Variants in EPHA4 observed in about 807,000 individuals in gnomAD.
EPHA4 encodes the protein EPH receptor A4.
A neutral mutation model predicts 108.3 loss-of-function variants in EPHA4; 19 were observed. The ratio of observed to expected loss-of-function variants is 0.18; its 90% confidence interval spans 0.12 to 0.26. The LOEUF (loss-of-function observed/expected upper bound fraction) is 0.26, where lower values mean the gene tolerates loss of function less well. EPHA4 is among the 10% of genes least tolerant of loss of function. EPHA4 has a pLI of 1.00. For missense variants in EPHA4, 917 were observed against 1,254.0 expected (o/e 0.73, Z 4.06); for synonymous variants, 449 against 455.5 (o/e 0.99, Z 0.18).
chr2:221,455,019 A>T (rs1359741688), intron 8 of EPHA4, among the ~76,000 whole-genome samples: 1 of 152,172 alleles, frequency 6.6e-6, no homozygotes, highest in Non-Finnish European at 1.5e-5. Context: ...ATTACTGTTA[A>T]CCAAAATCAT....
intron 3 of EPHA4, among the ~76,000 whole-genome samples, chr2:221,506,066 G>T (rs1016028877): frequency 6.6e-6 from 1 of 151,976 alleles, no homozygotes; most frequent in Non-Finnish European, 1.5e-5. Context: ...ATGCACGCTG[G>T]TCTCCATACA....
At chr2:221,485,887 A>C (rs891947664) in intron 4 of EPHA4, among the ~76,000 whole-genome samples, 5 of 152,160 alleles carry the variant, frequency 3.3e-5, no homozygotes, top group African/African-American at 7.2e-5. Context: ...CTTGGTAAAC[A>C]ATTACCTACA....
At chr2:221,506,341 T>A (rs1431148063) in intron 3 of EPHA4, among the ~76,000 whole-genome samples, 1 of 152,208 alleles carries the variant, frequency 6.6e-6, no homozygotes, top group Non-Finnish European at 1.5e-5. Context: ...AGAAAAAATA[T>A]CTGTCAAAAA....
At chr2:221,435,195 T>C (rs1690193794) in intron 13 of EPHA4, among the ~76,000 whole-genome samples, 1 of 152,158 alleles carries the variant, frequency 6.6e-6, no homozygotes, top group Non-Finnish European at 1.5e-5. Flanking sequence ...TGCAGTAAAC[T>C]CTGAAAACCC....
intron 3 of EPHA4, among the ~76,000 whole-genome samples, chr2:221,535,622 T>C (rs963462144): frequency 1.3e-5 from 2 of 149,594 alleles, no homozygotes; most frequent in Non-Finnish European, 3.0e-5. Flanking sequence ...ATTTGTTATT[T>C]TCTCCTTTTG....
chr2:221,551,943 T>G (rs1289579889), intron 3 of EPHA4, among the ~76,000 whole-genome samples: 1 of 152,048 alleles, frequency 6.6e-6, no homozygotes, highest in Non-Finnish European at 1.5e-5. Context: ...AAGAAAGGGT[T>G]TGAAAAAGAA....
chr2:221,421,364 T>C (rs917764577), intron 17 of EPHA4, among the ~76,000 whole-genome samples: 1 of 152,164 alleles, frequency 6.6e-6, no homozygotes, highest in African/African-American at 2.4e-5. Context: ...TGGTGGTTTT[T>C]CTTAACAAGA....
chr2:221,484,015 G>A (rs1691906880), intron 4 of EPHA4, among the ~76,000 whole-genome samples: 3 of 152,140 alleles, frequency 2.0e-5, no homozygotes, highest in Admixed American at 2.0e-4. Context: ...AGCAAAATGA[G>A]TTTTAAGAAA....
intron 5 of EPHA4, among the ~76,000 whole-genome samples, chr2:221,479,628 C>T (rs192462579): frequency 2.6e-4 from 39 of 152,284 alleles, no homozygotes; most frequent in Middle Eastern, 3.4e-3. Flanking sequence ...ATAGAGTTTA[C>T]GGTTGCTACA....
chr2:221,535,359 A>G (rs1693637358), intron 3 of EPHA4, among the ~76,000 whole-genome samples: 1 of 152,208 alleles, frequency 6.6e-6, no homozygotes. Flanking sequence ...TGCAACCACT[A>G]GGGTTCATCA....
intron 11 of EPHA4, among the ~76,000 whole-genome samples, chr2:221,440,598 ACC>A (rs1690394246): frequency 6.8e-6 from 1 of 146,406 alleles, no homozygotes; most frequent in African/African-American, 2.6e-5. Flanking sequence ...TATCCTTCTC[ACC>A]AAGGTTCCTT....
intron 4 of EPHA4, among the ~76,000 whole-genome samples, chr2:221,483,494 G>T (rs1691891561): frequency 6.9e-6 from 1 of 144,718 alleles, no homozygotes; most frequent in African/African-American, 2.5e-5. Context: ...GTTTCTTGAT[G>T]TAGATTTGTG....
chr2:221,420,327 C>G lies in EPHA4; in HGVS notation c.*1045G>C, dbSNP rs1292997437. 2 of 152,674 alleles carry G rather than the reference C, an allele frequency of 1.3e-5. No individual in the cohort carries two copies. Among genetic ancestry groups the G allele is most frequent in the Non-Finnish European group, 2.9e-5 (2 of 68,052 alleles). 9.5% of individuals were successfully genotyped at this position (152,674 alleles called of 1,614,324 possible). Reference sequence around the variant, plus strand: ...TGCAACTGGAGAACAGATGCTGAATCTTAAGTGTTTGCTGTTTCTTTCACT... The same window carrying G: ...TGCAACTGGAGAACAGATGCTGAATGTTAAGTGTTTGCTGTTTCTTTCACT... On this transcript the variant is annotated 3_prime_UTR_variant, in exon 18 of 18. Coordinates refer to ENST00000281821, the MANE Select transcript of EPHA4 (RefSeq NM_004438.5).
chr2:221,509,703 T>C (rs7558703), intron 3 of EPHA4, among the ~76,000 whole-genome samples: 58,159 of 152,132 alleles, frequency 0.38, 13,857 homozygotes, highest in African/African-American at 0.67. Flanking sequence ...AGGACAGAGA[T>C]GTTTCACAGA....
intron 3 of EPHA4, among the ~76,000 whole-genome samples, chr2:221,538,115 A>G (rs372305437): frequency 3.3e-5 from 5 of 152,238 alleles, no homozygotes; most frequent in East Asian, 1.9e-4. Context: ...ATTGAATTGA[A>G]CGAAGAGTCT....
At chr2:221,556,656 T>C (rs941686621) in intron 3 of EPHA4, among the ~76,000 whole-genome samples, 1 of 152,024 alleles carries the variant, frequency 6.6e-6, no homozygotes, top group African/African-American at 2.4e-5. Context: ...ACAACCAGAT[T>C]CTTTTACAGT....
intron 5 of EPHA4, among the ~76,000 whole-genome samples, chr2:221,479,210 C>T (rs1691748410): frequency 6.6e-6 from 1 of 152,218 alleles, no homozygotes; most frequent in South Asian, 2.1e-4. Flanking sequence ...AAGCAACTTT[C>T]TACTTTCAGG....
intron 3 of EPHA4, among the ~76,000 whole-genome samples, chr2:221,533,603 C>T (rs905998912): frequency 7.9e-5 from 12 of 151,772 alleles, no homozygotes; most frequent in Admixed American, 1.3e-4. Context: ...GCACGCTGAA[C>T]GAGTTCCAGT....
chr2:221,516,434 A>C (rs1405177950), intron 3 of EPHA4, among the ~76,000 whole-genome samples: 1 of 148,892 alleles, frequency 6.7e-6, no homozygotes, highest in African/African-American at 2.5e-5. Context: ...GGCTCACTGC[A>C]ACCTCCGCCT....
Sources: allele counts gnomAD v4.1 joint callset (sites outside exome capture counted in the v4.1 genomes callset), GRCh38; gene constraint gnomAD v4.1.1; transcripts MANE v1.5; gene names NCBI Gene and HGNC (gene_info 2026-07-23, HGNC 2026-07-21).